The following CC2D2B variants were observed in gnomAD, a reference collection of about 807,000 sequenced individuals.
The protein encoded by CC2D2B is protein CC2D2B.
In CC2D2B, 128 loss-of-function variants were observed where a neutral mutation model predicts 161.2. The ratio of observed to expected loss-of-function variants is 0.79; its 90% CI spans 0.69 to 0.92. The LOEUF is 0.92. CC2D2B is among the 40% of genes least tolerant of loss of function. The pLI is 0.00. For missense variants in CC2D2B, 1,173 were observed against 1,375.1 expected (o/e 0.85, Z 2.32); for synonymous variants, 391 against 449.8 (o/e 0.87, Z 1.65).
chr10:95,934,042 C>G (rs563864782), intron 6 of CC2D2B, among the ~76,000 whole-genome samples: 1 of 152,316 alleles, frequency 6.6e-6, no homozygotes, highest in East Asian at 1.9e-4. Context: ...AAGCTCCTGA[C>G]TGGGGCTACT....
At chr10:95,963,147 C>CTGGCCCCAGCTGGGG (rs1202526355) in intron 12 of CC2D2B, among the ~76,000 whole-genome samples, 2 of 152,214 alleles carry the variant, frequency 1.3e-5, no homozygotes, top group South Asian at 2.1e-4. Flanking sequence ...AGTCACCAGG[C>CTGGCCCCAGCTGGGG]TGGCCCCAGC....
chr10:95,926,310 A>G (rs1477201509), intron 5 of CC2D2B, among the ~76,000 whole-genome samples: 1 of 152,142 alleles, frequency 6.6e-6, no homozygotes, highest in Non-Finnish European at 1.5e-5. Context: ...ACACAGGTAT[A>G]TTTGCTCAGG....
rs2077993586 is a variant in CC2D2B, at chr10:95,992,417, G to T, written c.2472-110G>T. On this transcript the variant is annotated intron_variant, in intron 21 of 34. Transcript: ENST00000646931. Reference sequence around the variant, plus strand: ...GACAATTCTGTCTCCCCTCCATAATGCAGAGAATATGGTTTAGAATAATGG... The same window carrying T: ...GACAATTCTGTCTCCCCTCCATAATTCAGAGAATATGGTTTAGAATAATGG... 6.1e-6 allele frequency: 5 copies of T among 821,318 alleles called. No individual in the cohort carries two copies. The East Asian group carries it at 1.3e-4, about 22-fold the overall frequency. The allele number at this position is 821,318 out of a possible 1,614,324, so 50.9% of individuals were successfully genotyped here.
chr10:95,908,918 A>T (rs995708393), intron 1 of CC2D2B, among the ~76,000 whole-genome samples: 3 of 152,066 alleles, frequency 2.0e-5, no homozygotes, highest in African/African-American at 7.2e-5. Flanking sequence ...TTCAAAATAT[A>T]ATATGATAGT....
chr10:95,989,740 A>C (rs1373745118), intron 20 of CC2D2B, among the ~76,000 whole-genome samples: 1 of 152,188 alleles, frequency 6.6e-6, no homozygotes, highest in Non-Finnish European at 1.5e-5. Flanking sequence ...TTTAGATTTT[A>C]ACTCCTTGTG....
chr10:95,997,468 G>A (rs2078275402), intron 24 of CC2D2B, among the ~76,000 whole-genome samples: 1 of 151,746 alleles, frequency 6.6e-6, no homozygotes, highest in Non-Finnish European at 1.5e-5. Context: ...ATAGCTCACT[G>A]CCTCAAACTC....
At chr10:95,935,741 GC>G (rs1023873574) in intron 6 of CC2D2B, among the ~76,000 whole-genome samples, 1 of 152,138 alleles carries the variant, frequency 6.6e-6, no homozygotes, top group Non-Finnish European at 1.5e-5. Flanking sequence ...TGTGTCCCCC[GC>G]TAACTTTGGA....
chr10:95,963,599 A>G (rs1370947394), intron 12 of CC2D2B, among the ~76,000 whole-genome samples: 1 of 152,170 alleles, frequency 6.6e-6, no homozygotes, highest in Non-Finnish European at 1.5e-5. Context: ...GACCCCAAGC[A>G]CTGAGTCTTG....
At chr10:95,931,798 TTA>T (rs1342193824) in intron 6 of CC2D2B, among the ~76,000 whole-genome samples, 1 of 152,152 alleles carries the variant, frequency 6.6e-6, no homozygotes, top group East Asian at 1.9e-4. Context: ...TTACTTCCAA[TTA>T]TGTGGTCAAT....
intron 15 of CC2D2B, among the ~76,000 whole-genome samples, chr10:95,970,813 A>C (rs1383657689): frequency 6.6e-6 from 1 of 152,250 alleles, no homozygotes; most frequent in Admixed American, 6.5e-5. Context: ...CAACTCCTAC[A>C]AACCTTTCTG....
At chr10:95,999,214 C>T (rs985076795) in intron 24 of CC2D2B, among the ~76,000 whole-genome samples, 4 of 152,226 alleles carry the variant, frequency 2.6e-5, no homozygotes, top group Admixed American at 2.0e-4. Flanking sequence ...TAGTTGGAAT[C>T]ATACAGTATG....
intron 17 of CC2D2B, among the ~76,000 whole-genome samples, chr10:95,980,363 A>G (rs78053543): frequency 0.027 from 4,061 of 152,298 alleles, 95 homozygotes; most frequent in South Asian, 0.11. Context: ...ACTTTCTCTG[A>G]GGCAGAAACC....
chr10:96,019,843 G>T lies in CC2D2B; in HGVS notation c.3888+19G>T. On this transcript the variant is annotated intron_variant, in intron 32 of 34. Coordinates refer to ENST00000646931, the MANE Select transcript of CC2D2B (RefSeq NM_001349008.3). The stretch of plus-strand genomic sequence containing the variant: ...CATACAGGTAAATCATATTTTCCCA[G>T]GGGTGTCTGTATGAGAGTTACCATT... The T allele has an allele frequency of 6.3e-7, 1 of 1,595,286 alleles. No individual in the cohort carries two copies. Among genetic ancestry groups the T allele is most frequent in the South Asian group, 1.1e-5 (1 of 86,966 alleles).
chr10:95,983,805 TC>T lies in CC2D2B; in HGVS notation c.2284del (p.Gln762ArgfsTer16). The T allele has an allele frequency of 8.2e-7, 1 of 1,218,550 alleles. No individual in the cohort carries two copies. The highest frequency in any genetic ancestry group is 1.0e-6 in the Non-Finnish European group (1 of 975,688). 75.5% of individuals were successfully genotyped at this position (1,218,550 alleles called of 1,614,324 possible). A position where few individuals can be genotyped will look rare whatever the true frequency, so the allele number is the denominator to read the frequency against. On this transcript the variant is annotated frameshift_variant, in exon 19 of 35. Coordinates refer to ENST00000646931, the MANE Select transcript of CC2D2B (RefSeq NM_001349008.3). LOFTEE classifies it high-confidence loss of function. ...LHDTEIPDLV[F>X]QEYESQKEKE... is the part of the protein sequence containing the mutation. ...GATACAGAGATTCCAGATTTAGTCTTCCAGGTATTTGGTTTCTATTTGAATA... is the reference window on the plus strand; with the variant it reads ...GATACAGAGATTCCAGATTTAGTCTTCAGGTATTTGGTTTCTATTTGAATA...
At position 96,033,502 on chromosome 10, in the gene CC2D2B, T is replaced by C. The variant is rs1292959561; in HGVS notation, c.*1494T>C. Reference sequence around the variant, plus strand: ...AACAAGTCCCCCACTTTGATTGATTTAGCACAAAATGATGCTGATGGAAAG... The same window carrying C: ...AACAAGTCCCCCACTTTGATTGATTCAGCACAAAATGATGCTGATGGAAAG... On this transcript the variant is annotated 3_prime_UTR_variant, in exon 35 of 35. Coordinates refer to ENST00000646931, the MANE Select transcript of CC2D2B (RefSeq NM_001349008.3). 6.6e-6 allele frequency among the ~76,000 whole-genome samples: 1 copy of C among 152,230 alleles called. No homozygotes were observed. Among genetic ancestry groups the C allele is most frequent in the African/African-American group, 2.4e-5 (1 of 41,472 alleles).
intron 26 of CC2D2B, among the ~76,000 whole-genome samples, chr10:96,011,638 C>T (rs546361279): frequency 6.6e-6 from 1 of 152,052 alleles, no homozygotes; most frequent in South Asian, 2.1e-4. Context: ...CCTCAGCCTC[C>T]CAAGCCCAAA....
At chr10:95,923,418 A>G (rs2098531900) in intron 3 of CC2D2B, among the ~76,000 whole-genome samples, 1 of 152,186 alleles carries the variant, frequency 6.6e-6, no homozygotes, top group Non-Finnish European at 1.5e-5. Flanking sequence ...AGCTGGAAAA[A>G]GTAGGGGTCA....
rs535886245 is a variant in CC2D2B, at chr10:95,980,614, C to T, written c.1944-1361C>T. Among the ~76,000 whole-genome samples the T allele has an allele frequency of 3.1e-4, 47 of 152,148 alleles. 1 individual carries two copies. The highest frequency in any genetic ancestry group is 5.7e-4 in the Non-Finnish European group (39 of 67,990). On this transcript the variant is annotated intron_variant, in intron 17 of 34. Coordinates refer to ENST00000646931, the MANE Select transcript of CC2D2B (RefSeq NM_001349008.3). ...TTATGACATAGATATCAAAACAGTT[C>T]AAAATGAGGGCAGACATGGGAAGCA...
chr10:95,961,703 A>G (rs1366203210), intron 11 of CC2D2B, 126 bp from the exon 12 acceptor site: 2 of 435,406 alleles, frequency 4.6e-6, no homozygotes, highest in South Asian at 1.3e-4. Flanking sequence ...AGATGTGTAT[A>G]AAATGAAAAG....
Sources: allele counts gnomAD v4.1 joint callset (sites outside exome capture counted in the v4.1 genomes callset), GRCh38; gene constraint gnomAD v4.1.1; transcripts MANE v1.5; gene names NCBI Gene and HGNC (gene_info 2026-07-23, HGNC 2026-07-21).